Variants in RSU1 observed in about 807,000 individuals in gnomAD.
RSU1 encodes Ras suppressor protein 1, also known as rsu-1.
In RSU1, 26 loss-of-function variants were observed where a neutral mutation model predicts 31.1. That is an observed-to-expected ratio of 0.84 (90% confidence interval 0.61 to 1.16). The LOEUF (loss-of-function observed/expected upper bound fraction) is 1.16. Among genes scored for constraint, RSU1 ranks in the 50% most tolerant of loss-of-function variants. The probability of loss-of-function intolerance (pLI) is 0.00; values close to 1 mark genes in which losing one functional copy is unlikely to be tolerated. For synonymous variants in RSU1, 164 were observed against 136.3 expected (o/e 1.20, Z -1.41); for missense variants, 320 against 339.1 (o/e 0.94, Z 0.44).
chr10:16,762,432 GC>G (rs1837228353), intron 4 of RSU1, among the ~76,000 whole-genome samples: 1 of 151,362 alleles, frequency 6.6e-6, no homozygotes, highest in Admixed American at 6.6e-5. Flanking sequence ...GGATAGAATA[GC>G]CTGTAAAACC....
rs138728566 is a variant in RSU1, at chr10:16,764,501, G to A, written c.170C>T (p.Pro57Leu). The change falls in exon 4 of 9, where the codon CCG becomes CTG. Residue 57 changes from proline to leucine, a missense_variant. Pro to Leu is a moderately conservative substitution (Grantham distance 98). Transcript: ENST00000345264. ...CAAATTCTTCAGTTCTGCGATGTTC[G>A]GTGGCACCACTATGGAAACAAAAAT... ...LSHNKLTMVP[P>L]NIAELKNLEV... The A allele has an allele frequency of 2.4e-5, 38 of 1,612,858 alleles. No homozygotes were observed. Among genetic ancestry groups the A allele is most frequent in the Admixed American group, 5.0e-5 (3 of 59,826 alleles).
rs1837424415 is a variant in RSU1 at position 16,771,545 on chromosome 10, TAAAG to T, written c.161-7039_161-7036del. On this transcript the variant is annotated intron_variant, in intron 3 of 8. Transcript: ENST00000345264. ...TCAATGTCATTTTAATGATTATACA[TAAAG>T]AAGAATCTTCTCACTCTCGCGTAGG... Among the ~76,000 whole-genome samples, 4 of 152,308 alleles carry T rather than the reference TAAAG, an allele frequency of 2.6e-5. No homozygotes were observed. In the South Asian group the frequency reaches 8.3e-4, roughly 32 times the overall value.
chr10:16,598,445 T>C lies in RSU1; in HGVS notation c.732-4949A>G, dbSNP rs541026636. On this transcript the variant is annotated intron_variant, in intron 8 of 8. Transcript: ENST00000345264. ...CACACCTGTAGTCCCAGCTACTTAC[T>C]TGGGAGGCTGCATTGGGAGGATCGC... Among the ~76,000 whole-genome samples the C allele has an allele frequency of 1.4e-4, 21 of 152,192 alleles. No homozygotes were observed. The South Asian group carries it at 4.4e-3, about 32-fold the overall frequency.
chr10:16,596,373 C>T (rs1450247177), intron 8 of RSU1, among the ~76,000 whole-genome samples: 1 of 152,214 alleles, frequency 6.6e-6, no homozygotes, highest in Non-Finnish European at 1.5e-5. Context: ...TCCCTCCATT[C>T]TATTCCTCAT....
At chr10:16,599,660 C>T (rs978786561) in intron 8 of RSU1, among the ~76,000 whole-genome samples, 17 of 152,204 alleles carry the variant, frequency 1.1e-4, no homozygotes, top group African/African-American at 2.7e-4. Context: ...ATTAGGGAAA[C>T]GCTCTTGTCC....
rs531580469 is a variant in RSU1 at position 16,691,417 on chromosome 10, T to C, written c.731+3606A>G. ...TTTTAATGATTAAGAGTTTGACTTATTGTCTTATCAGCTAACAGTCCATAT... is the reference window on the plus strand; with the variant it reads ...TTTTAATGATTAAGAGTTTGACTTACTGTCTTATCAGCTAACAGTCCATAT... On this transcript the variant is annotated intron_variant, in intron 8 of 8. Coordinates refer to ENST00000345264, the MANE Select transcript of RSU1 (RefSeq NM_012425.4). Among the ~76,000 whole-genome samples the C allele has an allele frequency of 2.0e-5, 3 of 151,786 alleles. No individual in the cohort carries two copies. The East Asian group carries it at 5.8e-4, about 29-fold the overall frequency.
At chr10:16,671,109 T>G (rs1448064818) in intron 8 of RSU1, among the ~76,000 whole-genome samples, 4 of 152,124 alleles carry the variant, frequency 2.6e-5, no homozygotes, top group African/African-American at 9.7e-5. Context: ...TGAAAGAACC[T>G]TGTGGTAGAA....
intron 7 of RSU1, among the ~76,000 whole-genome samples, chr10:16,735,328 A>G (rs1034806769): frequency 1.3e-5 from 2 of 152,254 alleles, no homozygotes; most frequent in East Asian, 1.9e-4. Context: ...TATGTCTGCT[A>G]TGGAATCCAG....
intron 7 of RSU1, among the ~76,000 whole-genome samples, chr10:16,724,163 G>A (rs187304483): frequency 7.9e-5 from 12 of 151,984 alleles, no homozygotes; most frequent in African/African-American, 2.7e-4. Context: ...GGCTGGTCTC[G>A]AACTCCTGAC....
intron 7 of RSU1, among the ~76,000 whole-genome samples, chr10:16,733,186 A>C (rs1427838020): frequency 6.6e-6 from 1 of 151,996 alleles, no homozygotes; most frequent in Non-Finnish European, 1.5e-5. Flanking sequence ...AAGTTATATA[A>C]ATCTTATTAA....
intron 8 of RSU1, among the ~76,000 whole-genome samples, chr10:16,638,550 A>G (rs1834387022): frequency 6.6e-6 from 1 of 152,160 alleles, no homozygotes; most frequent in African/African-American, 2.4e-5. Flanking sequence ...AGGGGCCCCA[A>G]GGTGTCCTCA....
chr10:16,747,358 A>C (rs371871317), intron 7 of RSU1, among the ~76,000 whole-genome samples: 130 of 152,278 alleles, frequency 8.5e-4, no homozygotes, highest in African/African-American at 3.0e-3. Flanking sequence ...TCGCCTTCTC[A>C]ATGAGACACC....
At position 16,794,507 on chromosome 10, in the gene RSU1, T is replaced by C. The variant is rs75448403; in HGVS notation, c.110-12423A>G. ...AATTTTTCTAGCATAAACTATTTTA[T>C]TTGTGTAACACAAAACTTATGCAGT... On this transcript the variant is annotated intron_variant, in intron 2 of 8. Transcript: ENST00000345264. Among the ~76,000 whole-genome samples the C allele has an allele frequency of 6.6e-5, 10 of 152,356 alleles. No homozygotes were observed. In the East Asian group the frequency reaches 1.7e-3, roughly 26 times the overall value.
At chr10:16,629,232 A>AG (rs1834207955) in intron 8 of RSU1, among the ~76,000 whole-genome samples, 1 of 152,160 alleles carries the variant, frequency 6.6e-6, no homozygotes, top group Non-Finnish European at 1.5e-5. Context: ...CATTTCTGAC[A>AG]AGTTACCAGG....
intron 8 of RSU1, among the ~76,000 whole-genome samples, chr10:16,689,636 A>G (rs1835502874): frequency 6.6e-6 from 1 of 152,272 alleles, no homozygotes; most frequent in Non-Finnish European, 1.5e-5. Context: ...TAGATTTCTA[A>G]TAAAGAGGAA....
chr10:16,783,991 T>G (rs1354146762), intron 2 of RSU1, among the ~76,000 whole-genome samples: 1 of 152,212 alleles, frequency 6.6e-6, no homozygotes, highest in African/African-American at 2.4e-5. Context: ...TGTCGTCTCC[T>G]CTAAGCTGAG....
At chr10:16,595,211 G>T (rs1033581327) in intron 8 of RSU1, among the ~76,000 whole-genome samples, 1 of 152,220 alleles carries the variant, frequency 6.6e-6, no homozygotes, top group East Asian at 1.9e-4. Flanking sequence ...ACTGTGCCTG[G>T]CGTCCAATAC....
At chr10:16,762,014 G>A (rs563623516) in intron 4 of RSU1, among the ~76,000 whole-genome samples, 2 of 152,046 alleles carry the variant, frequency 1.3e-5, no homozygotes, top group East Asian at 1.9e-4. Context: ...AGTGCTCCCC[G>A]GTCTTGCTGT....
intron 7 of RSU1, among the ~76,000 whole-genome samples, chr10:16,722,557 G>A (rs1210314022): frequency 6.6e-6 from 1 of 152,076 alleles, no homozygotes. Context: ...TATCATCTGG[G>A]GTATCAGGTG....
Sources: gnomAD v4.1 joint callset for allele counts (sites outside exome capture counted in the v4.1 genomes callset) on GRCh38, gnomAD v4.1.1 for gene constraint, MANE v1.5 for transcripts, NCBI Gene and HGNC (gene_info 2026-07-23, HGNC 2026-07-21) for gene names.